The following AQR variants were observed in gnomAD, a reference collection of about 807,000 sequenced individuals.
The protein encoded by AQR is RNA helicase aquarius.
In AQR, 61 loss-of-function variants were observed where a neutral mutation model predicts 180.5. The ratio of observed to expected loss-of-function variants is 0.34; its 90% CI spans 0.28 to 0.42. AQR has a LOEUF of 0.42. AQR is among the 10% of genes least tolerant of loss of function. AQR has a pLI of 1.00. For synonymous variants in AQR, 551 were observed against 588.8 expected (o/e 0.94, Z 0.93); for missense variants, 1,281 against 1,798.3 (o/e 0.71, Z 5.20).
Position 34,927,126 on chromosome 15 carries a change from C to A in AQR, c.1027G>T (p.Ala343Ser), listed in dbSNP as rs370610688. The change falls in exon 13 of 35, where the codon GCA becomes TCA. Residue 343 changes from alanine to serine, a missense_variant. Around this residue, in one of 9 missense-constraint regions of AQR, gnomAD observed 404 missense variants for 490.9 expected, o/e 0.82. Transcript: ENST00000156471. ...AAATCATAGAGTTCAGGAAAATGTG[C>A]AAAAGCAGCTCTCTAGAAAATAATG... Reference protein sequence around the residue: ...RITSLQRAAFAHFPELYDFAL... With the variant: ...RITSLQRAAFSHFPELYDFAL... 2 of 1,575,186 alleles carry A rather than the reference C, an allele frequency of 1.3e-6. No homozygotes were observed. Among genetic ancestry groups the A allele is most frequent in the East Asian group, 2.3e-5 (1 of 43,458 alleles).
chr15:34,858,227 A>G (rs954044343), intron 34 of AQR, among the ~76,000 whole-genome samples: 31 of 148,522 alleles, frequency 2.1e-4, no homozygotes, highest in African/African-American at 6.3e-4. Context: ...CAGGTGATCC[A>G]CCTACCTCAG....
intron 31 of AQR, chr15:34,867,833 C>T: frequency 5.2e-6 from 2 of 386,934 alleles, no homozygotes; most frequent in Non-Finnish European, 9.2e-6. Flanking sequence ...CAGCACTTGT[C>T]TTTACCTTTG....
At chr15:34,960,381 CTG>C (rs1362592139) in intron 3 of AQR, among the ~76,000 whole-genome samples, 1 of 152,084 alleles carries the variant, frequency 6.6e-6, no homozygotes, top group African/African-American at 2.4e-5. Context: ...TTTATCACTT[CTG>C]TGTTTATTAT....
intron 8 of AQR, 115 bp downstream of exon 8, chr15:34,940,781 TATA>T: frequency 1.3e-6 from 1 of 756,048 alleles, no homozygotes. Flanking sequence ...AAGCACTTAT[TATA>T]ATAATTTATT....
chr15:34,869,258 C>G (rs946424380), intron 31 of AQR: 3 of 152,132 alleles, frequency 2.0e-5, no homozygotes, highest in African/African-American at 2.4e-5. Context: ...TCCTTGACAA[C>G]TAATGATGGT....
In AQR at chr15:34,882,657, A is replaced by C. The variant is rs984378407; in HGVS notation, c.3028-18T>G. 2 of 1,588,316 alleles carry C rather than the reference A, an allele frequency of 1.3e-6. No homozygotes were observed. The highest frequency in any genetic ancestry group is 1.8e-5 in the Admixed American group (1 of 55,808). On this transcript the variant is annotated intron_variant, in intron 26 of 34. Coordinates refer to ENST00000156471, the MANE Select transcript of AQR (RefSeq NM_014691.3). ...CTGAATTCCTATGGAAACGAGGAGCAATGAAAGATAATTTTAGGAAAACGG... is the reference window on the plus strand; with the variant it reads ...CTGAATTCCTATGGAAACGAGGAGCCATGAAAGATAATTTTAGGAAAACGG...
Position 34,856,855 on chromosome 15 carries a change from T to C in AQR, c.4395A>G (p.Val1465=), listed in dbSNP as rs767408143. 16 of 1,610,852 alleles carry C rather than the reference T, an allele frequency of 9.9e-6. No homozygotes were observed. The highest frequency in any genetic ancestry group is 1.3e-5 in the Non-Finnish European group (15 of 1,178,360). The change falls in exon 35 of 35, where the codon GTA becomes GTG. Residue 1465 remains valine (V), a synonymous_variant. Transcript: ENST00000156471. ...GTGTGTTAGCTTCTGCCGGTGCAGA[T>C]ACAGCTCCTACCACAGTAGGGGTGG... ...SETTPTVVGA[V]SAPAEANTPQ...
At chr15:34,910,974 T>TGATA (rs1893490910) in intron 16 of AQR, among the ~76,000 whole-genome samples, 1 of 152,230 alleles carries the variant, frequency 6.6e-6, no homozygotes, top group African/African-American at 2.4e-5. Context: ...ACTGCCCTTC[T>TGATA]ACTGCTTCTA....
In AQR at chr15:34,906,513, A is replaced by G. The variant is rs1399809981; in HGVS notation, c.1831+32T>C. 3 of 1,611,756 alleles carry G rather than the reference A, an allele frequency of 1.9e-6. No individual in the cohort carries two copies. In the East Asian group the frequency reaches 6.7e-5, roughly 36 times the overall value. ...GGCAAAGAAATTTATCATTCTATAC[A>G]CATACTCTTTCAAAAATATAGGTCA... On this transcript the variant is annotated intron_variant, in intron 18 of 34. Transcript: ENST00000156471.
rs756497152 is a variant in AQR at position 34,876,015 on chromosome 15, G to A, written c.3166-9C>T. ...ATCAAAATGTTGTCATACTAAGAAA[G>A]AGGAAATCTTGTCATAAAGACAGCT... On this transcript the variant is annotated splice_polypyrimidine_tract_variant and intron_variant, in intron 27 of 34. Coordinates refer to ENST00000156471, the MANE Select transcript of AQR (RefSeq NM_014691.3). 6.2e-7 allele frequency: 1 copy of A among 1,606,016 alleles called. No homozygotes were observed. The highest frequency in any genetic ancestry group is 2.2e-5 in the East Asian group (1 of 44,734).
Position 34,884,551 on chromosome 15 carries a change from T to C in AQR, c.3001A>G (p.Ile1001Val). The C allele has an allele frequency of 6.3e-7, 1 of 1,599,168 alleles. No homozygotes were observed. ...TCAAGCTGCGTAAAGATTTTCTTAA[T>C]ATGCCTGAAACATCCTTCAGCAATT... Reference protein sequence around the residue: ...MEIAEGCFRHIKKIFTQLEEF... With the variant: ...MEIAEGCFRHVKKIFTQLEEF... The change falls in exon 26 of 35, where the codon ATT becomes GTT. Residue 1001 changes from isoleucine (I) to valine (V), a missense_variant. By Grantham distance (29) the Ile-to-Val change is conservative. Around this residue, in one of 9 missense-constraint regions of AQR, gnomAD observed 125 missense variants for 185.0 expected, o/e 0.68. Transcript: ENST00000156471.
intron 27 of AQR, among the ~76,000 whole-genome samples, chr15:34,879,590 G>T (rs1180362394): frequency 6.6e-6 from 1 of 152,156 alleles, no homozygotes; most frequent in East Asian, 1.9e-4. Flanking sequence ...TTCTTCTCAT[G>T]AGTCAACTTG....
intron 20 of AQR, among the ~76,000 whole-genome samples, chr15:34,899,314 G>C (rs1005955666): frequency 3.3e-5 from 5 of 152,086 alleles, no homozygotes; most frequent in African/African-American, 1.2e-4. Flanking sequence ...CCATAAATAG[G>C]ATTAGGAAAG....
At chr15:34,858,077 A>G (rs563436029) in intron 34 of AQR, among the ~76,000 whole-genome samples, 1,535 of 152,164 alleles carry the variant, frequency 0.01, 11 homozygotes, top group Non-Finnish European at 0.015. Flanking sequence ...TCCGTCTCCC[A>G]GGTTCAAGCG....
intron 19 of AQR, 83 bp from the exon 20 acceptor site, chr15:34,900,946 C>G: frequency 6.7e-7 from 1 of 1,481,736 alleles, no homozygotes; most frequent in Non-Finnish European, 9.0e-7. Context: ...GCTGGCTGCA[C>G]TAATCCAGAA....
chr15:34,912,898 A>C (rs910320589), intron 16 of AQR, among the ~76,000 whole-genome samples: 2 of 152,194 alleles, frequency 1.3e-5, no homozygotes, highest in African/African-American at 4.8e-5. Flanking sequence ...TCATAACATT[A>C]AAAAGAGAAA....
chr15:34,915,465 C>A (rs189867283), intron 15 of AQR, among the ~76,000 whole-genome samples: 130 of 151,664 alleles, frequency 8.6e-4, no homozygotes, highest in African/African-American at 2.9e-3. Flanking sequence ...GCTGAGATTA[C>A]AGGCGTGAGC....
intron 12 of AQR, among the ~76,000 whole-genome samples, chr15:34,928,133 C>T (rs536823466): frequency 9.1e-4 from 139 of 152,082 alleles, no homozygotes; most frequent in Non-Finnish European, 1.7e-3. Flanking sequence ...ATCCTTCTTC[C>T]AAAACAATAA....
At chr15:34,959,078 A>G (rs1894377146) in intron 3 of AQR, among the ~76,000 whole-genome samples, 1 of 152,172 alleles carries the variant, frequency 6.6e-6, no homozygotes, top group Admixed American at 6.5e-5. Context: ...AAGCTCCAGG[A>G]GAGCAGGGAT....
Sources: allele counts gnomAD v4.1 joint callset (sites outside exome capture counted in the v4.1 genomes callset), GRCh38; gene constraint gnomAD v4.1.1; regional missense constraint gnomAD v4.1.1; transcripts MANE v1.5; gene names NCBI Gene and HGNC (gene_info 2026-07-23, HGNC 2026-07-21).